Variants in KLRG1 observed in about 807,000 individuals in gnomAD.
KLRG1 encodes killer cell lectin like receptor G1.
KLRG1 carries 16 observed loss-of-function variants against 21.8 expected under a neutral mutation model. The ratio of observed to expected loss-of-function variants is 0.73; its 90% confidence interval spans 0.50 to 1.11. KLRG1 has a LOEUF of 1.11. Among genes scored for constraint, KLRG1 ranks in the 50% most tolerant of loss-of-function variants. KLRG1 has a pLI of 0.00. For synonymous variants in KLRG1, 69 were observed against 75.9 expected (o/e 0.91, Z 0.47); for missense variants, 173 against 218.3 (o/e 0.79, Z 1.31).
At chr12:9,166,200 C>A in the KLRG1 span, 1 of 1,609,244 alleles carries the variant, frequency 6.2e-7, no homozygotes, top group Admixed American at 1.7e-5. Context: ...ACTCCTAGAC[C>A]TGCTAAAGTA....
At chr12:9,120,302 T>C in the KLRG1 span, among the ~76,000 whole-genome samples, 1 of 152,132 alleles carries the variant, frequency 6.6e-6, no homozygotes, top group African/African-American at 2.4e-5. Flanking sequence ...CTATACAGTT[T>C]TGAAGTATTT....
At chr12:9,127,485 C>G in the KLRG1 span, among the ~76,000 whole-genome samples, 2 of 152,184 alleles carry the variant, frequency 1.3e-5, no homozygotes, top group African/African-American at 2.4e-5. Flanking sequence ...TTCCTCCTGC[C>G]GATTGCAGCT....
chr12:9,132,023 A>C, the KLRG1 span, among the ~76,000 whole-genome samples: 5 of 152,168 alleles, frequency 3.3e-5, no homozygotes, highest in African/African-American at 7.2e-5. Flanking sequence ...TTTCTTAAAA[A>C]GAAGAGTTGT....
the KLRG1 span, among the ~76,000 whole-genome samples, chr12:9,093,887 C>T: frequency 6.8e-6 from 1 of 147,328 alleles, no homozygotes; most frequent in Non-Finnish European, 1.5e-5. Flanking sequence ...AGTGAGACTT[C>T]GTCTCAAACA....
chr12:9,103,623 T>C, the KLRG1 span, among the ~76,000 whole-genome samples: 25,113 of 152,210 alleles, frequency 0.16, 2,249 homozygotes, highest in African/African-American at 0.22. Flanking sequence ...TTCTATGACT[T>C]TGACTACTTT....
At chr12:9,067,456 T>C in the KLRG1 span, 1 of 293,718 alleles carries the variant, frequency 3.4e-6, no homozygotes. Context: ...TCATAAAAAT[T>C]CACCCTTTGG....
chr12:8,956,368 C>T (rs185774457), intron 1 of KLRG1, among the ~76,000 whole-genome samples: 23 of 152,316 alleles, frequency 1.5e-4, no homozygotes, highest in Non-Finnish European at 2.8e-4. Flanking sequence ...CACAAACGAG[C>T]TGAGACTCTT....
At chr12:9,013,341 C>G (rs761760561), downstream of KLRG1, among the ~76,000 whole-genome samples, 2 of 152,136 alleles carry the variant, frequency 1.3e-5, no homozygotes, top group Non-Finnish European at 2.9e-5. Context: ...GCATCAAGAC[C>G]ATCGAGGAAA....
At chr12:8,990,850 T>C (rs1946946342) in intron 1 of KLRG1, among the ~76,000 whole-genome samples, 1 of 152,184 alleles carries the variant, frequency 6.6e-6, no homozygotes, top group Non-Finnish European at 1.5e-5. Flanking sequence ...TAGCATAACA[T>C]AAAAATGAAC....
chr12:9,052,923 T>A, the KLRG1 span: 1 of 419,246 alleles, frequency 2.4e-6, no homozygotes, highest in South Asian at 1.7e-5. Context: ...CTTCTATCTC[T>A]TTTGTGCTTC....
chr12:9,017,296 G>GA, the KLRG1 span, among the ~76,000 whole-genome samples: 1 of 100,138 alleles, frequency 1.0e-5, no homozygotes, highest in Admixed American at 9.8e-5. Flanking sequence ...AAAAAGAAAA[G>GA]AAAAAAAATC....
chr12:8,986,550 G>A (rs1182288628), upstream of KLRG1, among the ~76,000 whole-genome samples: 1 of 150,934 alleles, frequency 6.6e-6, no homozygotes, highest in Non-Finnish European at 1.5e-5. Context: ...TTCCAGGTTG[G>A]TTTCTGTGTC....
the KLRG1 span, chr12:9,162,782 T>C: frequency 2.6e-5 from 19 of 737,380 alleles, no homozygotes; most frequent in African/African-American, 2.8e-4. Context: ...TCCCAACTTT[T>C]GTTTTAAGTT....
chr12:8,962,901 T>G (rs750099795), intron 1 of KLRG1, among the ~76,000 whole-genome samples: 61 of 152,126 alleles, frequency 4.0e-4, no homozygotes, highest in African/African-American at 1.4e-3. Flanking sequence ...TTGGCCCAAA[T>G]TTTTCCAAAT....
At chr12:9,085,611 A>G in the KLRG1 span, among the ~76,000 whole-genome samples, 1 of 152,104 alleles carries the variant, frequency 6.6e-6, no homozygotes, top group Non-Finnish European at 1.5e-5. Context: ...GAAAAGAAGA[A>G]CAAAGTAAGC....
chr12:9,121,110 TCCTGG>T, the KLRG1 span, among the ~76,000 whole-genome samples: 5 of 152,178 alleles, frequency 3.3e-5, no homozygotes, highest in South Asian at 1.0e-3. This position sits in a 1 kb window ranked among gnomAD's most constrained non-coding sequence, Gnocchi z 4.4. Flanking sequence ...AGCCTCAAAG[TCCTGG>T]CCTCACGGGA....
chr12:9,064,627 C>G, the KLRG1 span: 1 of 154,206 alleles, frequency 6.5e-6, no homozygotes, highest in Non-Finnish European at 1.5e-5. The surrounding 1 kb of genome is among the most constrained non-coding windows in gnomAD (Gnocchi z 4.0). Flanking sequence ...GCCTGCCGCC[C>G]TGGAAGCCGC....
chr12:9,102,182 G>C, the KLRG1 span, among the ~76,000 whole-genome samples: 5 of 152,270 alleles, frequency 3.3e-5, no homozygotes, highest in South Asian at 6.2e-4. Context: ...ATTAGCTGAA[G>C]TCTACCTCTT....
rs769584021 is a variant in KLRG1, at chr12:9,009,779, T to C, written c.*242T>C. ...AGATCTAAGCAAATTTTGAAATAGA[T>C]GTTTGTTTTTTGTATTTCTCAGTAT... On this transcript the variant is annotated 3_prime_UTR_variant, in exon 5 of 5. Transcript: ENST00000356986. 7.2e-5 allele frequency: 102 copies of C among 1,413,530 alleles called. 4 individuals carry two copies. The South Asian group carries it at 1.6e-3, about 23-fold the overall frequency. The allele number at this position is 1,413,530 out of a possible 1,614,324, so 87.6% of individuals were successfully genotyped here.
Sources: gnomAD v4.1 joint callset for allele counts (sites outside exome capture counted in the v4.1 genomes callset) on GRCh38, gnomAD v4.1.1 for gene constraint, Gnocchi (gnomAD v3.1) non-coding constraint, MANE v1.5 for transcripts, NCBI Gene and HGNC (gene_info 2026-07-23, HGNC 2026-07-21) for gene names.